The following NPFFR1 variants were observed in gnomAD, a reference collection of about 807,000 sequenced individuals.
NPFFR1 encodes the protein neuropeptide FF receptor 1, also known as G-protein coupled receptor 147.
A neutral mutation model predicts 12.7 loss-of-function variants in NPFFR1; 17 were observed. The observed-to-expected ratio is 1.34, with a 90% CI of 0.92 to 2.01. The LOEUF (loss-of-function observed/expected upper bound fraction) is 2.01. NPFFR1 is among the 30% of genes most tolerant of loss of function. The pLI is 0.00. For missense variants in NPFFR1, 604 were observed against 606.5 expected, an observed-to-expected ratio of 1.00 and a Z score of 0.04; for synonymous variants, 296 against 264.5, an observed-to-expected ratio of 1.12 and a Z score of -1.16.
Position 70,253,512 on chromosome 10 carries a change from A to C in NPFFR1, c.*1445T>G, listed in dbSNP as rs1253162860. ...ACATTCAATCTCCTTCAACCTCATT[A>C]CTATGGATTAAATGAGACGGTGTCT... On this transcript the variant is annotated 3_prime_UTR_variant, in exon 4 of 4. Transcript: ENST00000277942. 6.6e-6 allele frequency: 1 copy of C among 152,170 alleles called. No homozygotes were observed. The highest frequency in any genetic ancestry group is 1.5e-5 in the Non-Finnish European group (1 of 68,032). The allele number at this position is 152,170 out of a possible 1,614,324, so 9.4% of individuals were successfully genotyped here.
chr10:70,256,099 G>C (rs1840569914), intron 3 of NPFFR1, among the ~76,000 whole-genome samples: 1 of 150,986 alleles, frequency 6.6e-6, no homozygotes, highest in Admixed American at 6.6e-5. Flanking sequence ...CCTGAGACAG[G>C]GCCTCCTTCT....
chr10:70,260,467 G>A (rs1422825907), intron 3 of NPFFR1, among the ~76,000 whole-genome samples, 173 bp downstream of exon 3: 2 of 152,188 alleles, frequency 1.3e-5, no homozygotes, highest in African/African-American at 2.4e-5. Context: ...GGTTCCCCAA[G>A]TTTAGGGAGA....
intron 1 of NPFFR1, among the ~76,000 whole-genome samples, chr10:70,273,144 A>G (rs1840767089): frequency 1.3e-5 from 2 of 152,188 alleles, no homozygotes; most frequent in Non-Finnish European, 2.9e-5. Flanking sequence ...GGCTTTTAAC[A>G]ATACAGCTCC....
intron 2 of NPFFR1, among the ~76,000 whole-genome samples, chr10:70,262,142 G>C (rs1350315284): frequency 3.3e-5 from 5 of 152,214 alleles, no homozygotes; most frequent in Non-Finnish European, 5.9e-5. Flanking sequence ...TAATGAGAGT[G>C]ATGCCTCTCT....
chr10:70,262,314 T>A (rs539297478), intron 2 of NPFFR1, among the ~76,000 whole-genome samples: 1 of 152,178 alleles, frequency 6.6e-6, no homozygotes, highest in Non-Finnish European at 1.5e-5. Context: ...ATGAATAATA[T>A]TGTATTTAAA....
chr10:70,265,704 G>A (rs1365263066), intron 2 of NPFFR1, among the ~76,000 whole-genome samples: 1 of 152,212 alleles, frequency 6.6e-6, no homozygotes, highest in Non-Finnish European at 1.5e-5. Flanking sequence ...GTATGGGTGT[G>A]AGAATGTTGA....
chr10:70,270,561 T>C (rs2136804105), intron 1 of NPFFR1, among the ~76,000 whole-genome samples: 1 of 152,352 alleles, frequency 6.6e-6, no homozygotes, highest in South Asian at 2.1e-4. Flanking sequence ...GGAGTGACCC[T>C]GCCCATTGCT....
At chr10:70,257,619 C>T (rs200982922) in intron 3 of NPFFR1, among the ~76,000 whole-genome samples, 2 of 152,222 alleles carry the variant, frequency 1.3e-5, no homozygotes, top group South Asian at 2.1e-4. Context: ...AAGACCTGAC[C>T]GTCCCCCAGC....
chr10:70,255,776 C>A lies in NPFFR1; in HGVS notation c.474G>T (p.Ala158=). The stretch of plus-strand genomic sequence containing the variant: ...CCCAGATGACGGCGATGGTGACGAG[C>A]GCCTTCCGCAGGGTCAGCTTCTCGC... ...PFREKLTLRK[A]LVTIAVIWAL... is the part of the protein sequence containing the mutation. Residue 158 remains alanine (A), a synonymous_variant, in exon 4 of 4, where the codon GCG becomes GCT. Transcript: ENST00000277942. This position sits in a 1 kb window ranked among gnomAD's most constrained non-coding sequence, Gnocchi z 4.2. 1 of 1,611,568 alleles carries A rather than the reference C, an allele frequency of 6.2e-7. No individual in the cohort carries two copies. Among genetic ancestry groups the A allele is most frequent in the South Asian group, 1.1e-5 (1 of 90,446 alleles).
Position 70,255,294 on chromosome 10 carries a change from A to C in NPFFR1, c.956T>G (p.Phe319Cys). 1 of 1,582,424 alleles carries C rather than the reference A, an allele frequency of 6.3e-7. No individual in the cohort carries two copies. Among genetic ancestry groups the C allele is most frequent in the Non-Finnish European group, 8.6e-7 (1 of 1,168,676 alleles). ...YAFPFAHWLA[F>C]FNSSANPIIY... ...GATGGGGTTGGCGCTGCTGTTGAAG[A>C]AGGCCAGCCAGTGCGCGAAGGGGAA... The change falls in exon 4 of 4, where the codon TTC (phenylalanine) becomes TGC (cysteine). Residue 319 changes from phenylalanine to cysteine, a missense_variant. Coordinates refer to ENST00000277942, the MANE Select transcript of NPFFR1 (RefSeq NM_022146.5). The surrounding 1 kb of genome is among the most constrained non-coding windows in gnomAD (Gnocchi z 4.2).
chr10:70,266,943 T>G (rs1464125670), intron 1 of NPFFR1, among the ~76,000 whole-genome samples: 1 of 152,188 alleles, frequency 6.6e-6, no homozygotes, highest in Non-Finnish European at 1.5e-5. Flanking sequence ...ACAGTAACAC[T>G]CTTCCCTCTC....
At chr10:70,260,011 G>T (rs978986410) in intron 3 of NPFFR1, among the ~76,000 whole-genome samples, 20 of 152,332 alleles carry the variant, frequency 1.3e-4, no homozygotes, top group African/African-American at 4.8e-4. Flanking sequence ...TGTGGGGGAG[G>T]AGCACTCATG....
intron 2 of NPFFR1, among the ~76,000 whole-genome samples, chr10:70,261,393 C>T (rs1301084323): frequency 2.0e-5 from 3 of 152,176 alleles, no homozygotes; most frequent in African/African-American, 7.2e-5. Flanking sequence ...CTATAAATTA[C>T]CCAGTCTCAA....
rs1262170544 is a variant in NPFFR1, at chr10:70,248,046, T to C, written c.*6911A>G. 6.6e-6 allele frequency: 1 copy of C among 152,218 alleles called. No homozygotes were observed. Among genetic ancestry groups the C allele is most frequent in the Non-Finnish European group, 1.5e-5 (1 of 68,034 alleles). The allele number at this position is 152,218 out of a possible 1,614,324, so 9.4% of individuals were successfully genotyped here. On this transcript the variant is annotated 3_prime_UTR_variant, in exon 4 of 4. Transcript: ENST00000277942. The stretch of plus-strand genomic sequence containing the variant: ...GCCTGTGGCTGGCTGGTTTTATTTT[T>C]AGGATTATGGGAGACCTCCATCAAG...
chr10:70,256,955 A>G (rs987496174), intron 3 of NPFFR1, among the ~76,000 whole-genome samples: 1 of 152,196 alleles, frequency 6.6e-6, no homozygotes, highest in African/African-American at 2.4e-5. Flanking sequence ...ATTATTTGTT[A>G]TGTGCTGTTT....
chr10:70,269,288 C>G (rs1840726568), intron 1 of NPFFR1, among the ~76,000 whole-genome samples: 1 of 151,966 alleles, frequency 6.6e-6, no homozygotes, highest in African/African-American at 2.4e-5. Flanking sequence ...TCCTGAGTAG[C>G]CGGGACTACA....
chr10:70,260,596 G>T, intron 3 of NPFFR1, 44 bp downstream of exon 3: 1 of 1,518,594 alleles, frequency 6.6e-7, no homozygotes, highest in Non-Finnish European at 9.0e-7. Context: ...CTTAATGCCA[G>T]GCCCTAGTTG....
intron 1 of NPFFR1, among the ~76,000 whole-genome samples, chr10:70,282,000 T>C (rs78452090): frequency 6.6e-6 from 1 of 152,204 alleles, no homozygotes; most frequent in Non-Finnish European, 1.5e-5. Flanking sequence ...GCTTTTTAGA[T>C]AAAAAATTTA....
At position 70,266,248 on chromosome 10, in the gene NPFFR1, C is replaced by T. The variant is rs757213948; in HGVS notation, c.151G>A (p.Ala51Thr). The T allele has an allele frequency of 5.6e-6, 9 of 1,613,978 alleles. 1 individual carries two copies. In the South Asian group the frequency reaches 9.9e-5, roughly 18 times the overall value. Residue 51 changes from alanine (A) to threonine (T), a missense_variant, in exon 2 of 4, where the codon GCG becomes ACG. Transcript: ENST00000277942. ...ACCATGCAGAGCAGGAAGATGAGCG[C>T]ATAGGCCACAATGAACATGGCCGCC... Reference protein sequence around the residue: ...PVAAMFIVAYALIFLLCMVGN... With the variant: ...PVAAMFIVAYTLIFLLCMVGN...
Sources: gnomAD v4.1 joint callset for allele counts (sites outside exome capture counted in the v4.1 genomes callset) on GRCh38, gnomAD v4.1.1 for gene constraint, Gnocchi (gnomAD v3.1) non-coding constraint, MANE v1.5 for transcripts, NCBI Gene and HGNC (gene_info 2026-07-23, HGNC 2026-07-21) for gene names.